Variants in NAA11 observed in about 807,000 individuals in gnomAD.
The protein encoded by NAA11 is N-alpha-acetyltransferase 11.
Under a neutral mutation model 16.1 loss-of-function variants are expected in NAA11, and 15 were observed. The ratio of observed to expected loss-of-function variants is 0.93; its 90% confidence interval spans 0.62 to 1.44. The LOEUF (loss-of-function observed/expected upper bound fraction) is 1.44, where lower values mean the gene tolerates loss of function less well. Among genes scored for constraint, NAA11 ranks in the 40% most tolerant of loss-of-function variants. NAA11 has a pLI of 0.00. For synonymous variants in NAA11, 122 were observed against 112.4 expected, an observed-to-expected ratio of 1.09 and a Z score of -0.54; for missense variants, 298 against 291.3, an observed-to-expected ratio of 1.02 and a Z score of -0.17.
intron 2 of NAA11, among the ~76,000 whole-genome samples, chr4:79,240,179 A>G (rs1207496260): frequency 6.6e-6 from 1 of 152,172 alleles, no homozygotes. Context: ...ATGGCATTCC[A>G]TGTATAATTG....
chr4:79,177,284 T>A, the NAA11 span, among the ~76,000 whole-genome samples: 1 of 151,892 alleles, frequency 6.6e-6, no homozygotes, highest in East Asian at 1.9e-4. Flanking sequence ...TTTGGGAGCA[T>A]CTGAACCAAC....
chr4:79,315,593 T>G (rs1723903708), downstream of NAA11, among the ~76,000 whole-genome samples: 1 of 152,190 alleles, frequency 6.6e-6, no homozygotes, highest in African/African-American at 2.4e-5. Context: ...TATAAGGGTA[T>G]TCACACCATT....
chr4:79,300,084 T>G (rs772346036), intron 1 of NAA11, among the ~76,000 whole-genome samples: 82 of 152,162 alleles, frequency 5.4e-4, no homozygotes, highest in Admixed American at 2.0e-3. Flanking sequence ...ACATTCATGC[T>G]TATAGGGGCA....
the NAA11 span, among the ~76,000 whole-genome samples, chr4:79,198,364 T>C: frequency 1.3e-5 from 2 of 151,954 alleles, no homozygotes; most frequent in Admixed American, 1.3e-4. Context: ...TCCATCTGAA[T>C]TGTTCTTGGC....
In NAA11 at chr4:79,245,245, C is replaced by G. The variant is rs373988120; in HGVS notation, c.*123-18975G>C. ...GAGCCCCTCTGCCTGGCTGCCCAGT[C>G]TGGGAAGTGAGGAGCGCCTCTTCCC... On this transcript the variant is annotated intron_variant and NMD_transcript_variant, in intron 2 of 2. Transcript: ENST00000511542. 57 of 160,886 alleles carry G rather than the reference C, an allele frequency of 3.5e-4. No individual in the cohort carries two copies. The South Asian group carries it at 5.5e-3, about 15-fold the overall frequency. 10.0% of individuals were successfully genotyped at this position (160,886 alleles called of 1,614,324 possible). A position where few individuals can be genotyped will look rare whatever the true frequency, so the allele number is the denominator to read the frequency against.
chr4:79,237,004 G>A (rs1721584913), intron 2 of NAA11, among the ~76,000 whole-genome samples: 1 of 152,166 alleles, frequency 6.6e-6, no homozygotes, highest in African/African-American at 2.4e-5. Flanking sequence ...CTTTTCTTCA[G>A]TGTAAAATAC....
chr4:79,160,740 T>C, the NAA11 span, among the ~76,000 whole-genome samples: 7 of 152,344 alleles, frequency 4.6e-5, no homozygotes, highest in South Asian at 1.4e-3. Flanking sequence ...TTATATATTT[T>C]GGCAATAAGC....
chr4:79,231,897 C>T (rs1054889300), intron 2 of NAA11, among the ~76,000 whole-genome samples: 2 of 151,306 alleles, frequency 1.3e-5, no homozygotes, highest in Non-Finnish European at 3.0e-5. Context: ...TATATATATG[C>T]ATACACACAT....
chr4:79,220,062 C>A, the NAA11 span, among the ~76,000 whole-genome samples: 1 of 152,214 alleles, frequency 6.6e-6, no homozygotes, highest in Non-Finnish European at 1.5e-5. Context: ...AAGATCTGGG[C>A]TAGCATGCTC....
At chr4:79,250,138 G>T (rs1212108284) in intron 2 of NAA11, among the ~76,000 whole-genome samples, 1 of 152,252 alleles carries the variant, frequency 6.6e-6, no homozygotes, top group Non-Finnish European at 1.5e-5. Flanking sequence ...CCGCTATGAG[G>T]CCATGCCACC....
At chr4:79,216,553 G>A in the NAA11 span, among the ~76,000 whole-genome samples, 406 of 152,196 alleles carry the variant, frequency 2.7e-3, 2 homozygotes, top group African/African-American at 9.4e-3. Flanking sequence ...TATTTGTAGA[G>A]GAGGGCTGAG....
intron 1 of NAA11, among the ~76,000 whole-genome samples, chr4:79,304,420 T>A (rs1418851706): frequency 6.6e-6 from 1 of 152,212 alleles, no homozygotes; most frequent in East Asian, 1.9e-4. Flanking sequence ...TGATTAAGAA[T>A]GTGTATGTGA....
At chr4:79,297,635 CG>C (rs1321686497) in intron 1 of NAA11, among the ~76,000 whole-genome samples, 1 of 152,220 alleles carries the variant, frequency 6.6e-6, no homozygotes, top group Non-Finnish European at 1.5e-5. Context: ...TGCACTCACT[CG>C]GGGTATTGCT....
intron 2 of NAA11, among the ~76,000 whole-genome samples, chr4:79,287,677 G>A (rs1722973141): frequency 6.6e-6 from 1 of 151,956 alleles, no homozygotes; most frequent in Non-Finnish European, 1.5e-5. Flanking sequence ...GTGTCTGTGT[G>A]TGAGTGAGAG....
intron 2 of NAA11, among the ~76,000 whole-genome samples, chr4:79,237,583 A>G (rs1721598292): frequency 6.6e-6 from 1 of 152,180 alleles, no homozygotes; most frequent in South Asian, 2.1e-4. Flanking sequence ...CTTCATTTTG[A>G]CAGTGTTTGA....
chr4:79,199,704 T>G, the NAA11 span, among the ~76,000 whole-genome samples: 1 of 151,884 alleles, frequency 6.6e-6, no homozygotes, highest in African/African-American at 2.4e-5. Context: ...AAGGGAGAGC[T>G]TTGTGGCTGG....
At chr4:79,312,427 G>T (rs1723798923), downstream of NAA11, among the ~76,000 whole-genome samples, 1 of 152,054 alleles carries the variant, frequency 6.6e-6, no homozygotes, top group South Asian at 2.1e-4. Flanking sequence ...AAAGCGGGTA[G>T]ATCACCTGAG....
At chr4:79,314,463 T>C (rs184745298), downstream of NAA11, among the ~76,000 whole-genome samples, 28 of 152,128 alleles carry the variant, frequency 1.8e-4, no homozygotes, top group African/African-American at 6.7e-4. Flanking sequence ...GGACTGATTT[T>C]TTAAGTCTGA....
At chr4:79,276,688 A>G (rs1014390040) in intron 2 of NAA11, among the ~76,000 whole-genome samples, 4 of 152,132 alleles carry the variant, frequency 2.6e-5, no homozygotes, top group Non-Finnish European at 4.4e-5. Flanking sequence ...CTTTAGTCCA[A>G]TTGGCTATCC....
Sources: gnomAD v4.1 joint callset for allele counts (sites outside exome capture counted in the v4.1 genomes callset) on GRCh38, gnomAD v4.1.1 for gene constraint, MANE v1.5 for transcripts, NCBI Gene and HGNC (gene_info 2026-07-23, HGNC 2026-07-21) for gene names.